Variants in METAP1 observed in about 807,000 individuals in gnomAD.
The protein encoded by METAP1 is methionine aminopeptidase 1.
METAP1 carries 28 observed loss-of-function variants against 53.8 expected under a neutral mutation model. The observed-to-expected ratio is 0.52, with a 90% CI of 0.39 to 0.71. The LOEUF is 0.71. Among genes scored for constraint, METAP1 ranks in the 30% least tolerant of loss-of-function variants. The pLI is 0.00. For synonymous variants in METAP1, 181 were observed against 165.7 expected (o/e 1.09, Z -0.71); for missense variants, 389 against 479.8 (o/e 0.81, Z 1.77).
chr4:99,022,643 C>T (rs999981310), intron 1 of METAP1: 20 of 939,722 alleles, frequency 2.1e-5, no homozygotes, highest in African/African-American at 8.2e-5. Flanking sequence ...GCACACCTGG[C>T]GCTCAAAGGC....
In METAP1 at chr4:99,043,238, C is replaced by T; in HGVS notation, c.517-11C>T. On this transcript the variant is annotated splice_polypyrimidine_tract_variant and intron_variant, in intron 6 of 10. Coordinates refer to ENST00000296411, the MANE Select transcript of METAP1 (RefSeq NM_015143.3). ...TTTTATATATTCCAAATTATTTTTT[C>T]TGTATTATAGGCATGTATTGCAAGA... 2.0e-6 allele frequency: 3 copies of T among 1,512,304 alleles called. No individual in the cohort carries two copies. The highest frequency in any genetic ancestry group is 2.3e-5 in the East Asian group (1 of 42,832). 93.7% of individuals were successfully genotyped at this position (1,512,304 alleles called of 1,614,324 possible).
intron 8 of METAP1, among the ~76,000 whole-genome samples, chr4:99,045,859 A>G (rs907304486): frequency 6.6e-6 from 1 of 152,222 alleles, no homozygotes; most frequent in African/African-American, 2.4e-5. Flanking sequence ...TGTTTTTTCA[A>G]CTATCATAGA....
At chr4:99,026,429 A>G in intron 1 of METAP1, 1 of 985,438 alleles carries the variant, frequency 1.0e-6, no homozygotes, top group Non-Finnish European at 1.2e-6. Context: ...AGAAAGTAGC[A>G]TTTGAAACGA....
chr4:99,015,101 A>G (rs996041653), intron 1 of METAP1, among the ~76,000 whole-genome samples: 3 of 152,220 alleles, frequency 2.0e-5, no homozygotes, highest in Non-Finnish European at 2.9e-5. Context: ...GAAAGGGGAC[A>G]ATCTGGGCCT....
At chr4:99,059,869 C>T (rs573349295) in intron 10 of METAP1, among the ~76,000 whole-genome samples, 1 of 152,266 alleles carries the variant, frequency 6.6e-6, no homozygotes, top group Admixed American at 6.5e-5. Flanking sequence ...ACCAGTCTTT[C>T]TTTTGCCCCT....
intron 1 of METAP1, among the ~76,000 whole-genome samples, chr4:99,014,204 G>C (rs769076738): frequency 3.9e-5 from 6 of 152,242 alleles, no homozygotes; most frequent in Non-Finnish European, 8.8e-5. Context: ...TAGCCAGCTA[G>C]AGATGGGTTA....
intron 2 of METAP1, 73 bp downstream of exon 2, chr4:99,028,991 T>G (rs1724791365): frequency 1.0e-6 from 1 of 989,544 alleles, no homozygotes; most frequent in Non-Finnish European, 1.5e-6. Context: ...AGAATTCTTC[T>G]AGTTCTGAAA....
intron 10 of METAP1, among the ~76,000 whole-genome samples, chr4:99,058,807 C>G (rs1300705597): frequency 6.6e-6 from 1 of 152,212 alleles, no homozygotes; most frequent in African/African-American, 2.4e-5. Flanking sequence ...ACTTTAGAGG[C>G]TGCCTTCTAA....
At chr4:99,053,833 G>A (rs952613983) in intron 9 of METAP1, among the ~76,000 whole-genome samples, 1 of 151,614 alleles carries the variant, frequency 6.6e-6, no homozygotes, top group Non-Finnish European at 1.5e-5. Flanking sequence ...ATTTTGAAAC[G>A]AATCTTTTTC....
intron 10 of METAP1, among the ~76,000 whole-genome samples, chr4:99,059,447 C>T (rs1727386143): frequency 6.6e-6 from 1 of 152,090 alleles, no homozygotes; most frequent in African/African-American, 2.4e-5. Context: ...CTCGTATTTT[C>T]TTTTTAGCCT....
intron 5 of METAP1, among the ~76,000 whole-genome samples, chr4:99,040,475 T>C (rs1228454158): frequency 9.2e-5 from 3 of 32,606 alleles, no homozygotes; most frequent in Non-Finnish European, 2.9e-4. Flanking sequence ...CATTCATCTA[T>C]TTTTTTTTTT....
At chr4:98,996,101 G>A (rs1363417822) in intron 1 of METAP1, among the ~76,000 whole-genome samples, 4 of 152,166 alleles carry the variant, frequency 2.6e-5, no homozygotes, top group East Asian at 1.9e-4. Flanking sequence ...ACCCGCCGCG[G>A]CCATGTGGGC....
intron 1 of METAP1, among the ~76,000 whole-genome samples, chr4:99,015,394 C>G (rs1314386165): frequency 6.6e-6 from 1 of 152,130 alleles, no homozygotes; most frequent in African/African-American, 2.4e-5. Flanking sequence ...GGATCCTTCC[C>G]CTTTGACATT....
intron 8 of METAP1, 115 bp from the exon 9 acceptor site, chr4:99,048,618 C>A: frequency 8.7e-7 from 1 of 1,147,226 alleles, no homozygotes; most frequent in Non-Finnish European, 1.3e-6. Flanking sequence ...GATCTTCCTG[C>A]CTTGACCTCT....
chr4:99,058,558 T>C (rs1417675654), intron 10 of METAP1, among the ~76,000 whole-genome samples: 1 of 152,020 alleles, frequency 6.6e-6, no homozygotes, highest in African/African-American at 2.4e-5. Flanking sequence ...ATTCTGGTAA[T>C]GGAGCTTTCT....
intron 9 of METAP1, among the ~76,000 whole-genome samples, chr4:99,050,711 T>C (rs1220716827): frequency 1.3e-5 from 2 of 152,176 alleles, no homozygotes; most frequent in Non-Finnish European, 2.9e-5. Flanking sequence ...AACCCTGTTG[T>C]GAACTGTGCA....
chr4:99,012,403 T>C (rs1723523178), intron 1 of METAP1, among the ~76,000 whole-genome samples: 1 of 151,790 alleles, frequency 6.6e-6, no homozygotes, highest in Non-Finnish European at 1.5e-5. Flanking sequence ...CTCGAGTAGC[T>C]GCACTGACTT....
At chr4:99,060,325 C>T (rs1191123103) in intron 10 of METAP1, among the ~76,000 whole-genome samples, 4 of 149,594 alleles carry the variant, frequency 2.7e-5, no homozygotes, top group Non-Finnish European at 5.9e-5. Context: ...GACTACTGTA[C>T]TCTACCTCAT....
intron 1 of METAP1, among the ~76,000 whole-genome samples, chr4:99,000,655 C>CTTT (rs781035164): frequency 0.039 from 4,362 of 112,552 alleles, 97 homozygotes; most frequent in African/African-American, 0.056. Context: ...GGAAGAAAGT[C>CTTT]TTTTTTTTTT....
Sources: gnomAD v4.1 joint callset for allele counts (sites outside exome capture counted in the v4.1 genomes callset) on GRCh38, gnomAD v4.1.1 for gene constraint, MANE v1.5 for transcripts, NCBI Gene and HGNC (gene_info 2026-07-23, HGNC 2026-07-21) for gene names.